ITGA8: variants seen among roughly 807,000 people sequenced by gnomAD.
ITGA8 encodes the protein integrin alpha-8.
Under a neutral mutation model 142.3 loss-of-function variants are expected in ITGA8, and 91 were observed. That is an observed-to-expected ratio of 0.64 (90% CI 0.54 to 0.76). The LOEUF (loss-of-function observed/expected upper bound fraction) is 0.76. Among genes scored for constraint, ITGA8 ranks in the 30% least tolerant of loss-of-function variants. The probability of loss-of-function intolerance (pLI) is 0.00; values close to 1 mark genes in which losing one functional copy is unlikely to be tolerated. For synonymous variants in ITGA8, 505 were observed against 485.2 expected (o/e 1.04, Z -0.54); for missense variants, 1,406 against 1,327.7 (o/e 1.06, Z -0.92).
At chr10:15,707,974 A>ACACAC (rs1588742186) in intron 2 of ITGA8, among the ~76,000 whole-genome samples, 1 of 151,572 alleles carries the variant, frequency 6.6e-6, no homozygotes, top group East Asian at 1.9e-4. Context: ...ACACACACAC[A>ACACAC]CACACACACA....
At chr10:15,675,610 C>T (rs1287766170) in intron 6 of ITGA8, among the ~76,000 whole-genome samples, 1 of 152,152 alleles carries the variant, frequency 6.6e-6, no homozygotes, top group South Asian at 2.1e-4. Context: ...TTCACCTTGG[C>T]CAACTTTCAA....
At chr10:15,577,070 C>T (rs200975174) in intron 23 of ITGA8, among the ~76,000 whole-genome samples, 3 of 152,234 alleles carry the variant, frequency 2.0e-5, no homozygotes, top group South Asian at 2.1e-4. Context: ...CCAAAGCTGG[C>T]GTTTGCTTTC....
At chr10:15,646,464 G>A (rs1262232077) in intron 12 of ITGA8, among the ~76,000 whole-genome samples, 1 of 152,112 alleles carries the variant, frequency 6.6e-6, no homozygotes, top group Non-Finnish European at 1.5e-5. Context: ...ACTGAGCTCT[G>A]AGGTAGTATG....
intron 27 of ITGA8, among the ~76,000 whole-genome samples, chr10:15,547,090 A>G (rs546733165): frequency 1.2e-4 from 19 of 152,198 alleles, no homozygotes; most frequent in Middle Eastern, 3.4e-3. Context: ...GGCACAATAA[A>G]CCAAATGAGT....
chr10:15,685,629 C>T (rs1834820521), intron 3 of ITGA8, among the ~76,000 whole-genome samples: 1 of 152,180 alleles, frequency 6.6e-6, no homozygotes, highest in African/African-American at 2.4e-5. Context: ...TTTGATGCCT[C>T]ATCCATGCCT....
At chr10:15,576,322 T>G (rs1834297221) in intron 23 of ITGA8, among the ~76,000 whole-genome samples, 1 of 152,154 alleles carries the variant, frequency 6.6e-6, no homozygotes, top group Admixed American at 6.5e-5. Context: ...TATTTTTTCC[T>G]GCAACGTACA....
chr10:15,652,888 T>C (rs1485068900), intron 11 of ITGA8, among the ~76,000 whole-genome samples: 1 of 152,160 alleles, frequency 6.6e-6, no homozygotes, highest in African/African-American at 2.4e-5. Flanking sequence ...CTAGAGCTGG[T>C]AGACAGAGCA....
At chr10:15,700,182 A>C (rs1476163436) in intron 2 of ITGA8, among the ~76,000 whole-genome samples, 1 of 152,166 alleles carries the variant, frequency 6.6e-6, no homozygotes, top group African/African-American at 2.4e-5. Flanking sequence ...TCTTATTTCA[A>C]TATGAAAAGC....
intron 20 of ITGA8, among the ~76,000 whole-genome samples, chr10:15,598,448 C>A: frequency 6.6e-6 from 1 of 152,000 alleles, no homozygotes; most frequent in East Asian, 1.9e-4. Context: ...TTAACAAAAG[C>A]CCAAACCGAA....
At chr10:15,712,661 CATCA>C (rs1430412136) in intron 2 of ITGA8, among the ~76,000 whole-genome samples, 1 of 152,074 alleles carries the variant, frequency 6.6e-6, no homozygotes, top group East Asian at 1.9e-4. Flanking sequence ...TCATGGTATC[CATCA>C]GGGCACCCCT....
chr10:15,610,369 T>C (rs1451666), intron 15 of ITGA8, among the ~76,000 whole-genome samples: 109,884 of 151,984 alleles, frequency 0.72, 40,054 homozygotes, highest in South Asian at 0.87. Context: ...CTTGCAGGCC[T>C]ACAGCTAATT....
At chr10:15,631,081 G>A (rs1032369687) in intron 13 of ITGA8, among the ~76,000 whole-genome samples, 4 of 151,972 alleles carry the variant, frequency 2.6e-5, no homozygotes, top group Admixed American at 2.6e-4. Context: ...TGCTGGAGAG[G>A]ATGTGGAGAA....
chr10:15,706,098 G>A lies in ITGA8; in HGVS notation c.343+12668C>T, dbSNP rs1196038270. On this transcript the variant is annotated intron_variant, in intron 2 of 29. Transcript: ENST00000378076. ...TTATCCAAGTGCCCATTCGACATCT[G>A]TTGGGAGGTCTAATAAGCATCTTAA... 2.0e-5 allele frequency among the ~76,000 whole-genome samples: 3 copies of A among 152,144 alleles called. No individual in the cohort carries two copies. In the South Asian group the frequency reaches 6.2e-4, roughly 31 times the overall value.
intron 25 of ITGA8, among the ~76,000 whole-genome samples, chr10:15,561,631 G>T (rs1006625543): frequency 3.9e-5 from 6 of 152,156 alleles, no homozygotes; most frequent in Non-Finnish European, 8.8e-5. Context: ...TCCAAGGAGA[G>T]AGGAAGAAGT....
chr10:15,514,259 C>T lies in ITGA8; in HGVS notation c.*2899G>A, dbSNP rs1038760654. The T allele has an allele frequency of 1.6e-5, 2 of 122,134 alleles. No individual in the cohort carries two copies. The highest frequency in any genetic ancestry group is 4.0e-5 in the Non-Finnish European group (2 of 50,438). 7.6% of individuals were successfully genotyped at this position (122,134 alleles called of 1,614,324 possible). ...TGAATTATGAAGGCAATCGGCAATG[C>T]TCTAACTAGAAGCAGATAACGCTCA... On this transcript the variant is annotated 3_prime_UTR_variant, in exon 30 of 30. Transcript: ENST00000378076.
intron 26 of ITGA8, among the ~76,000 whole-genome samples, chr10:15,555,128 T>G (rs1833865664): frequency 6.6e-6 from 1 of 152,202 alleles, no homozygotes; most frequent in Admixed American, 6.5e-5. Context: ...AATGGCTGAT[T>G]TCATTTATTC....
intron 3 of ITGA8, among the ~76,000 whole-genome samples, chr10:15,685,381 C>T (rs973776968): frequency 5.3e-5 from 8 of 152,084 alleles, no homozygotes; most frequent in African/African-American, 1.2e-4. Context: ...AATAATGTTG[C>T]GTACTGTACA....
intron 2 of ITGA8, among the ~76,000 whole-genome samples, chr10:15,712,962 A>G (rs1402313693): frequency 6.6e-6 from 1 of 152,224 alleles, no homozygotes; most frequent in Non-Finnish European, 1.5e-5. Flanking sequence ...TTTGCAGATT[A>G]AGCAATAGGT....
chr10:15,702,790 C>T (rs745744303), intron 2 of ITGA8, among the ~76,000 whole-genome samples: 2 of 152,144 alleles, frequency 1.3e-5, no homozygotes, highest in Non-Finnish European at 2.9e-5. Flanking sequence ...AAAGGTAGGG[C>T]TCAAAACTAT....
Sources: allele counts gnomAD v4.1 joint callset (sites outside exome capture counted in the v4.1 genomes callset), GRCh38; gene constraint gnomAD v4.1.1; transcripts MANE v1.5; gene names NCBI Gene and HGNC (gene_info 2026-07-23, HGNC 2026-07-21).